The following SEPTIN9 variants were observed in gnomAD, a reference collection of about 807,000 sequenced individuals.
SEPTIN9 encodes the protein septin-9.
Under a neutral mutation model 56.6 loss-of-function variants are expected in SEPTIN9, and 13 were observed. The observed-to-expected ratio is 0.23, with a 90% confidence interval of 0.15 to 0.37. The LOEUF is 0.37. Ranked by LOEUF, SEPTIN9 falls within the 10% of genes least tolerant of loss-of-function variation. The pLI, the probability that SEPTIN9 is intolerant of heterozygous loss-of-function variation, is 1.00. For synonymous variants in SEPTIN9, 332 were observed against 334.1 expected (o/e 0.99, Z 0.07); for missense variants, 650 against 823.1 (o/e 0.79, Z 2.57).
At chr17:77,395,930 C>A (rs2035698533) in intron 2 of SEPTIN9, among the ~76,000 whole-genome samples, 1 of 152,196 alleles carries the variant, frequency 6.6e-6, no homozygotes, top group Non-Finnish European at 1.5e-5. Flanking sequence ...TCTTTCTGTA[C>A]TTCTGATTAT....
rs528937328 is a variant in SEPTIN9, at chr17:77,434,356, C to T, written c.721+31653C>T. Among the ~76,000 whole-genome samples, 6 of 152,310 alleles carry T rather than the reference C, an allele frequency of 3.9e-5. No individual in the cohort carries two copies. The highest frequency in any genetic ancestry group is 1.3e-4 in the Admixed American group (2 of 15,298). On this transcript the variant is annotated intron_variant, in intron 3 of 11. Coordinates refer to ENST00000427177, the MANE Select transcript of SEPTIN9 (RefSeq NM_001113491.2). This position sits in a 1 kb window ranked among gnomAD's most constrained non-coding sequence, Gnocchi z 5.0. ...CTGAGAGTTGGTAGGGTGGCCTGCCCGGCGTCCGCACAGGGTCTGCTGGTG... is the reference window on the plus strand; with the variant it reads ...CTGAGAGTTGGTAGGGTGGCCTGCCTGGCGTCCGCACAGGGTCTGCTGGTG...
chr17:77,339,779 G>C (rs2033668188), intron 2 of SEPTIN9, among the ~76,000 whole-genome samples: 1 of 151,552 alleles, frequency 6.6e-6, no homozygotes, highest in Non-Finnish European at 1.5e-5. Flanking sequence ...CAAAGCATTG[G>C]GACTACAGGC....
chr17:77,498,340 G>A (rs1318647340), intron 11 of SEPTIN9, among the ~76,000 whole-genome samples, 183 bp from the exon 12 acceptor site: 2 of 151,708 alleles, frequency 1.3e-5, no homozygotes, highest in African/African-American at 4.8e-5. Flanking sequence ...CCCAAAACGT[G>A]TACCAGATCT....
At chr17:77,373,652 G>A in intron 2 of SEPTIN9, 1 of 1,481,056 alleles carries the variant, frequency 6.8e-7, no homozygotes, top group Non-Finnish European at 9.0e-7. Flanking sequence ...AGACGGGAGT[G>A]CGCTGAGGGG....
At chr17:77,495,883 G>A (rs1321391109) in intron 10 of SEPTIN9, among the ~76,000 whole-genome samples, 1 of 152,236 alleles carries the variant, frequency 6.6e-6, no homozygotes, top group Non-Finnish European at 1.5e-5. Flanking sequence ...TTAACTTGGG[G>A]AAAAGCCATG....
chr17:77,496,081 T>C (rs1448892555), intron 10 of SEPTIN9: 2 of 150,744 alleles, frequency 1.3e-5, no homozygotes, highest in African/African-American at 4.9e-5. Flanking sequence ...CAGGCTGGAG[T>C]GCCGTGGCGT....
intron 3 of SEPTIN9, among the ~76,000 whole-genome samples, chr17:77,414,753 T>A (rs1270111312): frequency 6.6e-6 from 1 of 152,016 alleles, no homozygotes; most frequent in Non-Finnish European, 1.5e-5. Flanking sequence ...AATTTTTGTA[T>A]TTTTTGTAGA....
chr17:77,296,167 C>T (rs1057009037), intron 1 of SEPTIN9, among the ~76,000 whole-genome samples: 20 of 152,226 alleles, frequency 1.3e-4, no homozygotes, highest in African/African-American at 2.4e-4. Flanking sequence ...GGGGCCTCGC[C>T]GGGAACTAAC....
intron 2 of SEPTIN9, among the ~76,000 whole-genome samples, chr17:77,354,246 C>T (rs543249221): frequency 6.6e-6 from 1 of 152,204 alleles, no homozygotes; most frequent in South Asian, 2.1e-4. Flanking sequence ...GTAGTGTTAC[C>T]CCGTTTTATA....
chr17:77,295,597 C>T (rs541235333), intron 1 of SEPTIN9, among the ~76,000 whole-genome samples: 1 of 152,276 alleles, frequency 6.6e-6, no homozygotes, highest in African/African-American at 2.4e-5. Context: ...CAGCAGAGGT[C>T]GGCGTTTCTC....
chr17:77,328,094 GCCCAGGGTGTCCCCGTA>G (rs1163455891), intron 2 of SEPTIN9, among the ~76,000 whole-genome samples: 1 of 148,196 alleles, frequency 6.7e-6, no homozygotes, highest in Non-Finnish European at 1.5e-5. Context: ...GCATCCCCAT[GCCCAGGGTGTCCCCGTA>G]CCCAGGGTGT....
At chr17:77,294,858 C>T (rs1252289287) in intron 1 of SEPTIN9, 1 of 152,154 alleles carries the variant, frequency 6.6e-6, no homozygotes, top group East Asian at 1.9e-4. Context: ...AGGATATGTT[C>T]GTGTCTTGTG....
intron 3 of SEPTIN9, among the ~76,000 whole-genome samples, chr17:77,473,668 T>G (rs1375106121): frequency 6.6e-6 from 1 of 152,230 alleles, no homozygotes; most frequent in Non-Finnish European, 1.5e-5. Flanking sequence ...TGTATCAGAT[T>G]GTGAATTCCT....
chr17:77,500,367 A>G lies in SEPTIN9; in HGVS notation c.*1709A>G, dbSNP rs562484405. ...AGGCCATGTGGCCTGCCCAGCCTCA[A>G]TGTCACTTGGTGGCGGGGTGGGGTG... is the stretch of plus-strand genomic sequence containing the variant. On this transcript the variant is annotated 3_prime_UTR_variant, in exon 12 of 12. Transcript: ENST00000427177. 1.3e-4 allele frequency: 19 copies of G among 149,424 alleles called. No homozygotes were observed. Among genetic ancestry groups the G allele is most frequent in the South Asian group, 5.2e-4 (2 of 3,868 alleles). 9.3% of individuals were successfully genotyped at this position (149,424 alleles called of 1,614,324 possible). A position where few individuals can be genotyped will look rare whatever the true frequency, so the allele number is the denominator to read the frequency against.
intron 3 of SEPTIN9, among the ~76,000 whole-genome samples, chr17:77,471,425 A>G (rs1231066839): frequency 6.6e-6 from 1 of 152,260 alleles, no homozygotes; most frequent in African/African-American, 2.4e-5. Flanking sequence ...AGCACCTGGC[A>G]GGGGGCCACC....
At chr17:77,328,402 G>A (rs868732368) in intron 2 of SEPTIN9, among the ~76,000 whole-genome samples, 2 of 152,198 alleles carry the variant, frequency 1.3e-5, no homozygotes, top group Non-Finnish European at 2.9e-5. Flanking sequence ...GTCTCACTCC[G>A]TCACCCAGGC....
chr17:77,293,194 A>T (rs544320156), intron 1 of SEPTIN9, among the ~76,000 whole-genome samples: 13 of 151,506 alleles, frequency 8.6e-5, no homozygotes, highest in African/African-American at 3.1e-4. Flanking sequence ...TTTTTCTTTT[A>T]TTTTTGTAGA....
At chr17:77,489,015 C>T (rs1395491961) in intron 7 of SEPTIN9, 151 bp downstream of exon 7, 2 of 969,898 alleles carry the variant, frequency 2.1e-6, no homozygotes, top group Non-Finnish European at 3.0e-6. Flanking sequence ...TGGGGGTGTG[C>T]CATGTCTGCA....
rs182288774 is a variant in SEPTIN9, at chr17:77,321,822, G to A, written c.76+14625G>A. 1.9e-3 allele frequency among the ~76,000 whole-genome samples: 287 copies of A among 152,372 alleles called. 1 individual carries two copies. Among genetic ancestry groups the A allele is most frequent in the African/African-American group, 6.4e-3 (266 of 41,600 alleles). ...GAGACGGCAGAAGGCTTGGGTGGCA[G>A]TGAAACTGCATCTTATCTGTTTGAG... On this transcript the variant is annotated intron_variant, in intron 2 of 11. Transcript: ENST00000427177.
Sources: gnomAD v4.1 joint callset for allele counts (sites outside exome capture counted in the v4.1 genomes callset) on GRCh38, gnomAD v4.1.1 for gene constraint, Gnocchi (gnomAD v3.1) non-coding constraint, MANE v1.5 for transcripts, NCBI Gene and HGNC (gene_info 2026-07-23, HGNC 2026-07-21) for gene names.